The following KPNA1 variants were observed in gnomAD, a reference collection of about 807,000 sequenced individuals.
KPNA1 encodes importin subunit alpha-5.
In KPNA1, 10 loss-of-function variants were observed where a neutral mutation model predicts 70.5. The observed-to-expected ratio is 0.14, with a 90% confidence interval of 0.09 to 0.24. The LOEUF is 0.24. KPNA1 is among the 10% of genes least tolerant of loss of function. KPNA1 has a pLI of 1.00. For missense variants in KPNA1, 397 were observed against 637.9 expected (o/e 0.62, Z 4.07); for synonymous variants, 192 against 221.9 (o/e 0.87, Z 1.20).
intron 6 of KPNA1, among the ~76,000 whole-genome samples, chr3:122,453,352 G>A (rs540100079): frequency 6.6e-6 from 1 of 152,252 alleles, no homozygotes; most frequent in African/African-American, 2.4e-5. Context: ...TTTGGAAGGG[G>A]AAGATTATTT....
chr3:122,491,303 A>C (rs576565059), intron 2 of KPNA1, among the ~76,000 whole-genome samples: 1 of 152,382 alleles, frequency 6.6e-6, no homozygotes, highest in South Asian at 2.1e-4. Context: ...ACTACAGGTC[A>C]TGAAAAACAC....
intron 2 of KPNA1, among the ~76,000 whole-genome samples, chr3:122,484,867 T>C (rs1447837311): frequency 6.6e-6 from 1 of 152,142 alleles, no homozygotes; most frequent in African/African-American, 2.4e-5. Context: ...AAAGTTCATA[T>C]AAATGTGAAG....
At position 122,451,899 on chromosome 3, in the gene KPNA1, T is replaced by C. The variant is rs925318400; in HGVS notation, c.653+77A>G. On this transcript the variant is annotated intron_variant, in intron 7 of 13. Transcript: ENST00000344337. The stretch of plus-strand genomic sequence containing the variant: ...GAAAATCCAAAATGATTTCCAAACA[T>C]GTAATGCTTTCTGAGGAATCTCTTA... 6 of 919,048 alleles carry C rather than the reference T, an allele frequency of 6.5e-6. No homozygotes were observed. In the African/African-American group the frequency reaches 8.4e-5, roughly 13 times the overall value. 56.9% of individuals were successfully genotyped at this position (919,048 alleles called of 1,614,324 possible).
intron 1 of KPNA1, among the ~76,000 whole-genome samples, chr3:122,510,652 G>C (rs1219343537): frequency 6.6e-6 from 1 of 152,072 alleles, no homozygotes; most frequent in East Asian, 1.9e-4. Flanking sequence ...AAACACTAAG[G>C]AACATCTTGC....
intron 12 of KPNA1, 39 bp downstream of exon 12, chr3:122,433,622 T>C: frequency 6.5e-7 from 1 of 1,536,560 alleles, no homozygotes; most frequent in South Asian, 1.2e-5. Flanking sequence ...AATAATAATT[T>C]TTCTTTAACT....
Position 122,500,278 on chromosome 3 carries a change from C to T in KPNA1, c.-5-3708G>A, listed in dbSNP as rs1209958753. Reference sequence around the variant, plus strand: ...CTGGGATTATAGGCATGCACCACCACGCCTGGCTACTTTTTGTATTTTTAG... The same window carrying T: ...CTGGGATTATAGGCATGCACCACCATGCCTGGCTACTTTTTGTATTTTTAG... On this transcript the variant is annotated intron_variant, in intron 1 of 13. Transcript: ENST00000344337. 3.9e-5 allele frequency among the ~76,000 whole-genome samples: 6 copies of T among 151,984 alleles called. No individual in the cohort carries two copies. The South Asian group carries it at 6.2e-4, about 16-fold the overall frequency.
At chr3:122,483,014 A>G in intron 2 of KPNA1, 1 of 152,776 alleles carries the variant, frequency 6.5e-6, no homozygotes, top group East Asian at 1.9e-4. Flanking sequence ...AGCTGAAGGG[A>G]TAGTGAAGGA....
intron 11 of KPNA1, among the ~76,000 whole-genome samples, chr3:122,434,097 C>T (rs1210496948): frequency 1.3e-5 from 2 of 152,046 alleles, no homozygotes; most frequent in Non-Finnish European, 2.9e-5. Context: ...CCACCAAACC[C>T]GGCTAATTTT....
At chr3:122,435,775 A>C (rs1413443864) in intron 11 of KPNA1, among the ~76,000 whole-genome samples, 1 of 152,200 alleles carries the variant, frequency 6.6e-6, no homozygotes. Flanking sequence ...ATAATTTCCT[A>C]TGCCTATCTT....
At chr3:122,497,787 T>C (rs760565633) in intron 1 of KPNA1, among the ~76,000 whole-genome samples, 4 of 152,266 alleles carry the variant, frequency 2.6e-5, no homozygotes, top group Admixed American at 1.3e-4. Context: ...ATTATTGAGT[T>C]GTAAGAGTTC....
intron 5 of KPNA1, chr3:122,459,403 C>A: frequency 6.1e-6 from 6 of 984,942 alleles, no homozygotes; most frequent in Non-Finnish European, 7.2e-6. Context: ...AGGAAAGAAA[C>A]ACTTTTTTCA....
intron 2 of KPNA1, among the ~76,000 whole-genome samples, chr3:122,472,381 T>C (rs2076452321): frequency 1.3e-5 from 2 of 152,008 alleles, no homozygotes; most frequent in South Asian, 4.2e-4. Context: ...TTAAAATATT[T>C]TGAGCTAAAT....
chr3:122,509,846 C>T (rs1047630201), intron 1 of KPNA1, among the ~76,000 whole-genome samples: 3 of 152,088 alleles, frequency 2.0e-5, no homozygotes, highest in African/African-American at 7.2e-5. Flanking sequence ...CAAAAACTTT[C>T]GAGAACTAAA....
intron 4 of KPNA1, among the ~76,000 whole-genome samples, chr3:122,463,401 A>T (rs996287970): frequency 1.3e-5 from 2 of 151,224 alleles, no homozygotes; most frequent in African/African-American, 4.9e-5. Flanking sequence ...TGTAACTGTA[A>T]TCCCAGCTAC....
chr3:122,477,328 A>G (rs1204426312), intron 2 of KPNA1, among the ~76,000 whole-genome samples: 1 of 152,202 alleles, frequency 6.6e-6, no homozygotes, highest in Non-Finnish European at 1.5e-5. Flanking sequence ...TCAGTTAGGA[A>G]GAGTAAGTTC....
At chr3:122,500,873 T>A (rs2076820855) in intron 1 of KPNA1, among the ~76,000 whole-genome samples, 1 of 151,180 alleles carries the variant, frequency 6.6e-6, no homozygotes, top group Admixed American at 6.6e-5. Flanking sequence ...TTTAATGCTC[T>A]CTATTGTTTT....
chr3:122,469,624 T>C (rs1271440268), intron 2 of KPNA1, among the ~76,000 whole-genome samples: 2 of 152,110 alleles, frequency 1.3e-5, no homozygotes, highest in South Asian at 2.1e-4. Flanking sequence ...TATTGGGCCA[T>C]GAGAAACAGC....
Position 122,509,991 on chromosome 3 carries a change from A to T in KPNA1, c.-6+4766T>A, listed in dbSNP as rs79407606. On this transcript the variant is annotated intron_variant, in intron 1 of 13. Coordinates refer to ENST00000344337, the MANE Select transcript of KPNA1 (RefSeq NM_002264.4). ...CTTCTAGAGATTGGGGTAAAGGAAG[A>T]TCACATACAAACAAAGAATCAGATT... Among the ~76,000 whole-genome samples, 1,079 of 152,320 alleles carry T rather than the reference A, an allele frequency of 7.1e-3. 8 individuals are homozygous for T. The highest frequency in any genetic ancestry group is 0.011 in the Non-Finnish European group (772 of 68,020).
At chr3:122,436,209 T>C (rs1388820239) in intron 11 of KPNA1, among the ~76,000 whole-genome samples, 1 of 152,194 alleles carries the variant, frequency 6.6e-6, no homozygotes, top group African/African-American at 2.4e-5. Context: ...AATTCCCGCC[T>C]AGTAAATTTT....
Sources: gnomAD v4.1 joint callset for allele counts (sites outside exome capture counted in the v4.1 genomes callset) on GRCh38, gnomAD v4.1.1 for gene constraint, MANE v1.5 for transcripts, NCBI Gene and HGNC (gene_info 2026-07-23, HGNC 2026-07-21) for gene names.